Variants in SNX29 observed in about 807,000 individuals in gnomAD.
SNX29 encodes sorting nexin-29.
SNX29 carries 78 observed loss-of-function variants against 102.1 expected under a neutral mutation model. The ratio of observed to expected loss-of-function variants is 0.76; its 90% CI spans 0.64 to 0.92. The LOEUF is 0.92. Ranked by LOEUF, SNX29 falls within the 40% of genes least tolerant of loss-of-function variation. The probability of loss-of-function intolerance (pLI) is 0.00; values close to 1 mark genes in which losing one functional copy is unlikely to be tolerated. For synonymous variants in SNX29, 580 were observed against 414.5 expected, an observed-to-expected ratio of 1.40 and a Z score of -4.85; for missense variants, 1,280 against 1,061.7, an observed-to-expected ratio of 1.21 and a Z score of -2.86.
chr16:12,462,611 C>CAA (rs904680752), intron 18 of SNX29, among the ~76,000 whole-genome samples: 1 of 151,870 alleles, frequency 6.6e-6, no homozygotes, highest in Non-Finnish European at 1.5e-5. Context: ...CACACACACA[C>CAA]GTGACTGGAG....
At chr16:12,136,729 G>GTTT (rs1555468587) in intron 13 of SNX29, among the ~76,000 whole-genome samples, 1 of 115,770 alleles carries the variant, frequency 8.6e-6, no homozygotes, top group Admixed American at 8.8e-5. Flanking sequence ...TTTAGGAAAG[G>GTTT]TTTTTGTTGT....
chr16:12,573,782 A>T lies in SNX29; in HGVS notation c.*5153A>T. On this transcript the variant is annotated 3_prime_UTR_variant, in exon 21 of 21. Coordinates refer to ENST00000566228, the MANE Select transcript of SNX29 (RefSeq NM_032167.5). ...ACGCTCAGTGACCCCAGAGACCATT[A>T]ATTTCCCGGAGTGAAGGGGATGGGG... The T allele has an allele frequency of 4.5e-6, 1 of 222,504 alleles. No individual in the cohort carries two copies. Among genetic ancestry groups the T allele is most frequent in the Non-Finnish European group, 9.0e-6 (1 of 111,322 alleles). The allele number at this position is 222,504 out of a possible 1,614,324, so 13.8% of individuals were successfully genotyped here.
chr16:12,296,136 C>G (rs1163399368), intron 15 of SNX29, among the ~76,000 whole-genome samples: 1 of 152,162 alleles, frequency 6.6e-6, no homozygotes, highest in Non-Finnish European at 1.5e-5. Context: ...ATGGAAAATT[C>G]TCCCCTTCCT....
chr16:12,554,651 T>G (rs933690094), intron 20 of SNX29, among the ~76,000 whole-genome samples: 8 of 152,226 alleles, frequency 5.3e-5, no homozygotes, highest in African/African-American at 1.9e-4. Context: ...TTTCACCAGT[T>G]TGTGCATTTG....
intron 16 of SNX29, among the ~76,000 whole-genome samples, chr16:12,378,182 T>A (rs1481484439): frequency 6.6e-6 from 1 of 152,204 alleles, no homozygotes; most frequent in Non-Finnish European, 1.5e-5. Context: ...TTTATTTGGC[T>A]CACGATTCTG....
At chr16:12,370,968 A>C (rs537576542) in intron 16 of SNX29, among the ~76,000 whole-genome samples, 2 of 152,316 alleles carry the variant, frequency 1.3e-5, no homozygotes, top group Admixed American at 6.5e-5. Flanking sequence ...GGTGGGCACC[A>C]CCTTGGTATT....
At chr16:12,110,835 T>A (rs1023864469) in intron 11 of SNX29, among the ~76,000 whole-genome samples, 36 of 152,186 alleles carry the variant, frequency 2.4e-4, no homozygotes, top group East Asian at 1.5e-3. Flanking sequence ...TTTAATTTTT[T>A]TTTTTTGAGA....
At chr16:12,527,471 C>T in intron 20 of SNX29, 2 of 427,748 alleles carry the variant, frequency 4.7e-6, no homozygotes, top group South Asian at 2.2e-5. Context: ...GATTTAGGAT[C>T]CAAAAAGTCC....
intron 19 of SNX29, among the ~76,000 whole-genome samples, chr16:12,487,332 A>G (rs918406839): frequency 1.3e-5 from 2 of 152,176 alleles, no homozygotes; most frequent in African/African-American, 2.4e-5. Flanking sequence ...CCTCAAAGCC[A>G]GTGTTTCCAT....
At chr16:12,027,198 C>G (rs2057216235) in intron 3 of SNX29, 122 bp from the exon 4 acceptor site, 2 of 1,217,958 alleles carry the variant, frequency 1.6e-6, no homozygotes, top group Non-Finnish European at 2.3e-6. Context: ...CCAGGTGTCT[C>G]CTGTCTGCCT....
chr16:12,095,546 C>A (rs555660422), intron 11 of SNX29, among the ~76,000 whole-genome samples: 2 of 152,276 alleles, frequency 1.3e-5, no homozygotes, highest in South Asian at 4.2e-4. Flanking sequence ...TTTCTGTTCA[C>A]CATCAGTATA....
chr16:12,111,320 A>G (rs541503821), intron 11 of SNX29, among the ~76,000 whole-genome samples: 1 of 152,018 alleles, frequency 6.6e-6, no homozygotes, highest in South Asian at 2.1e-4. Context: ...CACAAAATCC[A>G]TGTTTTTGCT....
chr16:12,489,755 TTCTC>T (rs1304792206), intron 19 of SNX29, among the ~76,000 whole-genome samples: 2 of 152,214 alleles, frequency 1.3e-5, no homozygotes, highest in Non-Finnish European at 2.9e-5. Context: ...CTTTCTTTCA[TTCTC>T]TCTTCTTCCT....
At chr16:12,385,942 G>A (rs1205484366) in intron 16 of SNX29, among the ~76,000 whole-genome samples, 1 of 152,150 alleles carries the variant, frequency 6.6e-6, no homozygotes, top group Non-Finnish European at 1.5e-5. Context: ...GAGGACTGAG[G>A]GACACATCAC....
At chr16:12,560,069 C>G (rs532085162) in intron 20 of SNX29, among the ~76,000 whole-genome samples, 6 of 152,268 alleles carry the variant, frequency 3.9e-5, no homozygotes, top group African/African-American at 7.2e-5. Context: ...AACTATGTAA[C>G]TACTGTCCTA....
chr16:12,486,894 T>C (rs7190017), intron 19 of SNX29, among the ~76,000 whole-genome samples: 24,576 of 152,092 alleles, frequency 0.16, 2,967 homozygotes, highest in East Asian at 0.45. Flanking sequence ...ACTTGTGGGG[T>C]GACAGTTACT....
At chr16:12,525,060 A>G (rs1472381632) in intron 20 of SNX29, among the ~76,000 whole-genome samples, 1 of 152,098 alleles carries the variant, frequency 6.6e-6, no homozygotes, top group Admixed American at 6.5e-5. Flanking sequence ...GCAAATGAGC[A>G]TTGTTGACTT....
intron 11 of SNX29, among the ~76,000 whole-genome samples, chr16:12,082,937 G>C (rs1238384830): frequency 6.6e-6 from 1 of 152,158 alleles, no homozygotes; most frequent in Non-Finnish European, 1.5e-5. Context: ...GAGTGGGTCT[G>C]TCTGGGTGTC....
intron 6 of SNX29, among the ~76,000 whole-genome samples, chr16:12,047,651 C>A: frequency 1.6e-5 from 2 of 126,632 alleles, no homozygotes; most frequent in South Asian, 2.8e-4. Flanking sequence ...GGACCAAGGT[C>A]TTTTTTTTTT....
Sources: gnomAD v4.1 joint callset for allele counts (sites outside exome capture counted in the v4.1 genomes callset) on GRCh38, gnomAD v4.1.1 for gene constraint, MANE v1.5 for transcripts, NCBI Gene and HGNC (gene_info 2026-07-23, HGNC 2026-07-21) for gene names.